AHCTF1: variants seen among roughly 807,000 people sequenced by gnomAD.
The protein encoded by AHCTF1 is AT-hook containing transcription factor 1, also known as protein ELYS.
Under a neutral mutation model 248.4 loss-of-function variants are expected in AHCTF1, and 24 were observed. The observed-to-expected ratio is 0.10, with a 90% CI of 0.07 to 0.14. The LOEUF (loss-of-function observed/expected upper bound fraction) is 0.14, where lower values mean the gene tolerates loss of function less well. AHCTF1 is among the 10% of genes least tolerant of loss of function. The probability of loss-of-function intolerance (pLI) is 1.00; values close to 1 mark genes in which losing one functional copy is unlikely to be tolerated. For missense variants in AHCTF1, 2,206 were observed against 2,636.2 expected (o/e 0.84, Z 3.57); for synonymous variants, 786 against 929.8 (o/e 0.85, Z 2.81).
intron 15 of AHCTF1, 75 bp from the exon 16 acceptor site, chr1:246,891,135 C>T (rs1664183289): frequency 1.2e-6 from 1 of 837,648 alleles, no homozygotes; most frequent in African/African-American, 1.8e-5. Context: ...AAATTAATCA[C>T]TTGGTAATTT....
At chr1:246,929,251 T>C (rs1159706723) in intron 1 of AHCTF1, among the ~76,000 whole-genome samples, 2 of 151,742 alleles carry the variant, frequency 1.3e-5, no homozygotes, top group South Asian at 2.1e-4. Flanking sequence ...TCTACTAAAA[T>C]ACAAAAAATT....
chr1:246,862,042 A>C lies in AHCTF1; in HGVS notation c.3652T>G (p.Ser1218Ala). The C allele has an allele frequency of 6.2e-7, 1 of 1,612,684 alleles. No individual in the cohort carries two copies. Among genetic ancestry groups the C allele is most frequent in the Non-Finnish European group, 8.5e-7 (1 of 1,178,680 alleles). ...RSTPLASPSP[S>A]PGRSPQRLKE... Reference sequence around the variant, plus strand: ...AGTCGTTGAGGAGACCTTCCAGGTGATGGAGAGGGAGATGCTAAAGGTGTT... The same window carrying C: ...AGTCGTTGAGGAGACCTTCCAGGTGCTGGAGAGGGAGATGCTAAAGGTGTT... The change falls in exon 28 of 36, where the codon TCA becomes GCA. Residue 1218 changes from serine (S) to alanine (A), a missense_variant. Physicochemically the swap from Ser to Ala is moderately conservative, Grantham distance 99. Coordinates refer to ENST00000648844, the MANE Select transcript of AHCTF1 (RefSeq NM_001323342.2).
In AHCTF1 at chr1:246,913,909, T is replaced by C. The variant is rs1051893041; in HGVS notation, c.376-497A>G. Among the ~76,000 whole-genome samples the C allele has an allele frequency of 2.6e-5, 4 of 152,282 alleles. No individual in the cohort carries two copies. The South Asian group carries it at 8.3e-4, about 32-fold the overall frequency. On this transcript the variant is annotated intron_variant, in intron 3 of 35. Coordinates refer to ENST00000648844, the MANE Select transcript of AHCTF1 (RefSeq NM_001323342.2). ...TAAAAACTAATCATTCCAGAAAAAT[T>C]TACTGTTTACTCTTTAAAAAACAAC...
rs1661466748 is a variant in AHCTF1, at chr1:246,860,595, G to A, written c.4132+304C>T. 2.6e-5 allele frequency among the ~76,000 whole-genome samples: 4 copies of A among 152,126 alleles called. No homozygotes were observed. The South Asian group carries it at 6.2e-4, about 24-fold the overall frequency. ...AGATAGGGTCTTGCTCTGTCACGCAGGCTAAAGTACAGTGGTGCAATCATG... is the reference window on the plus strand; with the variant it reads ...AGATAGGGTCTTGCTCTGTCACGCAAGCTAAAGTACAGTGGTGCAATCATG... On this transcript the variant is annotated intron_variant, in intron 29 of 35. Transcript: ENST00000648844.
intron 4 of AHCTF1, among the ~76,000 whole-genome samples, chr1:246,909,563 C>T (rs1158532233): frequency 1.3e-5 from 2 of 152,148 alleles, no homozygotes; most frequent in Non-Finnish European, 2.9e-5. Context: ...CGCAGTATTG[C>T]AGTGCTTGTG....
In AHCTF1 at chr1:246,888,198, A is replaced by G; in HGVS notation, c.2304T>C (p.Thr768=). The G allele has an allele frequency of 6.2e-7, 1 of 1,614,104 alleles. No homozygotes were observed. The change falls in exon 19 of 36, where the codon ACT becomes ACC. Residue 768 remains threonine, a synonymous_variant. Transcript: ENST00000648844. Reference sequence around the variant, plus strand: ...ATACAATAGAGTGTTTGGCTGCTTCAGTAACGCCGTCTAATAGGTACATAT... The same window carrying G: ...ATACAATAGAGTGTTTGGCTGCTTCGGTAACGCCGTCTAATAGGTACATAT... ...VLDMYLLDGV[T]EAAKHSITIY... is the part of the protein sequence containing the mutation.
intron 3 of AHCTF1, among the ~76,000 whole-genome samples, chr1:246,915,058 G>C (rs535293705): frequency 3.2e-4 from 49 of 152,328 alleles, no homozygotes; most frequent in African/African-American, 1.1e-3. Flanking sequence ...CTGGCCGGGC[G>C]TGGTGGCTCA....
intron 5 of AHCTF1, among the ~76,000 whole-genome samples, chr1:246,906,143 C>G (rs867019567): frequency 2.6e-5 from 4 of 152,130 alleles, no homozygotes; most frequent in Admixed American, 1.3e-4. Flanking sequence ...ACTACTACAA[C>G]AGAAGATGAG....
intron 20 of AHCTF1, among the ~76,000 whole-genome samples, chr1:246,886,533 G>C (rs752493268): frequency 6.6e-6 from 1 of 152,046 alleles, no homozygotes; most frequent in African/African-American, 2.4e-5. Flanking sequence ...TTGTTATAGT[G>C]TAACATCTAG....
At chr1:246,854,349 T>C (rs1358915408) in intron 31 of AHCTF1, among the ~76,000 whole-genome samples, 1 of 150,038 alleles carries the variant, frequency 6.7e-6, no homozygotes, top group Non-Finnish European at 1.5e-5. Flanking sequence ...AACAAGTCCA[T>C]GGTTAGGAAT....
Position 246,840,060 on chromosome 1 carries a change from C to T in AHCTF1, c.*746G>A, listed in dbSNP as rs1659746399. ...GCACATACAAGATGCACTCAATATC[C>T]ATAAACAGATTTATTTTACATTTCC... On this transcript the variant is annotated 3_prime_UTR_variant, in exon 36 of 36. Transcript: ENST00000648844. 1 of 152,574 alleles carries T rather than the reference C, an allele frequency of 6.6e-6. No individual in the cohort carries two copies. Among genetic ancestry groups the T allele is most frequent in the South Asian group, 2.1e-4 (1 of 4,826 alleles). The allele number at this position is 152,574 out of a possible 1,614,324, so 9.5% of individuals were successfully genotyped here.
rs1475169301 is a variant in AHCTF1 at position 246,849,627 on chromosome 1, T to C, written c.6379A>G (p.Arg2127Gly). The change falls in exon 33 of 36, where the codon AGG becomes GGG. Residue 2127 changes from arginine to glycine, a missense_variant. Arg to Gly is a moderately radical substitution (Grantham distance 125). Transcript: ENST00000648844. ...PLFSPASEVP[R>G]KAKAKKIEVP... is the part of the protein sequence containing the mutation. ...GAAAGAAAAGTACCTTTTGCTTTCC[T>C]TGGAACTTCTGACGCTGGAGAAAAT... 1 of 1,607,946 alleles carries C rather than the reference T, an allele frequency of 6.2e-7. No individual in the cohort carries two copies. The highest frequency in any genetic ancestry group is 2.2e-5 in the East Asian group (1 of 44,772).
At position 246,921,441 on chromosome 1, in the gene AHCTF1, C is replaced by T. The variant is rs187329758; in HGVS notation, c.-7-3064G>A. Among the ~76,000 whole-genome samples the T allele has an allele frequency of 1.6e-3, 236 of 152,226 alleles. 1 individual carries two copies. The highest frequency in any genetic ancestry group is 7.6e-4 in the Non-Finnish European group (52 of 67,998). On this transcript the variant is annotated intron_variant, in intron 1 of 35. Transcript: ENST00000648844. ...GTACCTACTTAATACTCAACAAAAA[C>T]AAACTCAAAGGATAAGTAAAAAAGT...
chr1:246,928,658 T>C (rs929128955), intron 1 of AHCTF1, among the ~76,000 whole-genome samples: 3 of 152,242 alleles, frequency 2.0e-5, no homozygotes, highest in Admixed American at 2.0e-4. Flanking sequence ...AAATCAGTTT[T>C]CTGTGTGAAA....
At chr1:246,893,651 C>T (rs1406571996) in intron 14 of AHCTF1, among the ~76,000 whole-genome samples, 1 of 152,184 alleles carries the variant, frequency 6.6e-6, no homozygotes, top group Non-Finnish European at 1.5e-5. Context: ...ATAATAACGA[C>T]ATCTATCCAT....
At chr1:246,868,871 GTC>G (rs1437447189) in intron 24 of AHCTF1, among the ~76,000 whole-genome samples, 2 of 142,736 alleles carry the variant, frequency 1.4e-5, no homozygotes, top group African/African-American at 5.4e-5. Context: ...TTGAGATGGA[GTC>G]TCGCTCTGTC....
At chr1:246,904,660 C>G (rs1207047237) in intron 6 of AHCTF1, among the ~76,000 whole-genome samples, 2 of 152,126 alleles carry the variant, frequency 1.3e-5, no homozygotes, top group Non-Finnish European at 2.9e-5. Flanking sequence ...TATCAAGACA[C>G]AAAGTGAAGA....
chr1:246,891,717 G>A (rs1664216218), intron 15 of AHCTF1, 62 bp downstream of exon 15: 12 of 1,541,756 alleles, frequency 7.8e-6, no homozygotes, highest in East Asian at 2.3e-5. Context: ...AATGTTATTC[G>A]TTTCTCTTAG....
intron 24 of AHCTF1, among the ~76,000 whole-genome samples, chr1:246,869,931 G>C (rs912390935): frequency 1.6e-4 from 24 of 152,160 alleles, no homozygotes; most frequent in Admixed American, 1.4e-3. Context: ...TCCTCTGAGA[G>C]ATCCGAACAA....
Sources: allele counts gnomAD v4.1 joint callset (sites outside exome capture counted in the v4.1 genomes callset), GRCh38; gene constraint gnomAD v4.1.1; transcripts MANE v1.5; gene names NCBI Gene and HGNC (gene_info 2026-07-23, HGNC 2026-07-21).